Variants in TCF7L1 observed in about 807,000 individuals in gnomAD.
TCF7L1 encodes the protein transcription factor 7 like 1.
A neutral mutation model predicts 63.7 loss-of-function variants in TCF7L1; 18 were observed. The ratio of observed to expected loss-of-function variants is 0.28; its 90% CI spans 0.20 to 0.42. The LOEUF (loss-of-function observed/expected upper bound fraction) is 0.42. Among genes scored for constraint, TCF7L1 ranks in the 10% least tolerant of loss-of-function variants. TCF7L1 has a pLI of 1.00. For synonymous variants in TCF7L1, 355 were observed against 340.9 expected, an observed-to-expected ratio of 1.04 and a Z score of -0.46; for missense variants, 654 against 779.3, an observed-to-expected ratio of 0.84 and a Z score of 1.91.
chr2:85,150,236 CT>C (rs777018512), intron 3 of TCF7L1, among the ~76,000 whole-genome samples: 198 of 142,118 alleles, frequency 1.4e-3, no homozygotes, highest in Middle Eastern at 3.6e-3. Flanking sequence ...GTTCTTGACT[CT>C]TTTTTTTTTT....
intron 3 of TCF7L1, among the ~76,000 whole-genome samples, chr2:85,181,761 G>T (rs1678808834): frequency 6.6e-6 from 1 of 152,164 alleles, no homozygotes; most frequent in Admixed American, 6.5e-5. Flanking sequence ...TATCCTCAGG[G>T]AGGGTTCCCA....
intron 3 of TCF7L1, among the ~76,000 whole-genome samples, chr2:85,234,491 T>C (rs1170270004): frequency 2.0e-5 from 3 of 152,168 alleles, no homozygotes; most frequent in African/African-American, 7.2e-5. Context: ...CCTGGTAAGT[T>C]ACAGATGGTA....
At chr2:85,153,340 A>ATATTTTTTTTTTTTTT (rs750002994) in intron 3 of TCF7L1, among the ~76,000 whole-genome samples, 5 of 102,272 alleles carry the variant, frequency 4.9e-5, no homozygotes, top group African/African-American at 2.1e-4. Flanking sequence ...GCCTTTATAA[A>ATATTTTTTTTTTTTTT]TTTTTTTTTT....
chr2:85,240,087 C>T (rs922033531), intron 3 of TCF7L1, among the ~76,000 whole-genome samples: 6 of 152,030 alleles, frequency 3.9e-5, no homozygotes, highest in Admixed American at 2.0e-4. Context: ...ATTACTGAGA[C>T]GTTGGATGTT....
intron 3 of TCF7L1, among the ~76,000 whole-genome samples, chr2:85,153,395 A>G (rs1054176171): frequency 1.7e-4 from 22 of 125,906 alleles, no homozygotes; most frequent in Admixed American, 1.0e-4. Flanking sequence ...AGGCTGGAGT[A>G]CAGTGGCACG....
chr2:85,205,307 C>G (rs1478098896), intron 3 of TCF7L1, among the ~76,000 whole-genome samples: 1 of 152,204 alleles, frequency 6.6e-6, no homozygotes, highest in African/African-American at 2.4e-5. Flanking sequence ...CATTTTCTCT[C>G]TCAGTGCTGA....
intron 4 of TCF7L1, among the ~76,000 whole-genome samples, chr2:85,294,553 A>G (rs1681802177): frequency 6.6e-6 from 1 of 152,214 alleles, no homozygotes; most frequent in South Asian, 2.1e-4. Context: ...ACCCAGTTTT[A>G]GCATTGCAAA....
At chr2:85,249,115 C>CA (rs1161084046) in intron 3 of TCF7L1, among the ~76,000 whole-genome samples, 1 of 152,208 alleles carries the variant, frequency 6.6e-6, no homozygotes, top group East Asian at 1.9e-4. Flanking sequence ...TGACTGTTTG[C>CA]ATTCTACAAA....
chr2:85,252,483 C>T (rs1303667089), intron 3 of TCF7L1, among the ~76,000 whole-genome samples: 4 of 152,176 alleles, frequency 2.6e-5, no homozygotes, highest in East Asian at 1.9e-4. Flanking sequence ...ACCCAAGCCT[C>T]GGTGTGACCC....
At chr2:85,231,191 C>G (rs1309962703) in intron 3 of TCF7L1, among the ~76,000 whole-genome samples, 1 of 152,166 alleles carries the variant, frequency 6.6e-6, no homozygotes, top group Admixed American at 6.5e-5. Flanking sequence ...TAGAGAGCCC[C>G]AGGCTGTAGG....
intron 3 of TCF7L1, among the ~76,000 whole-genome samples, chr2:85,178,873 C>G (rs1678737253): frequency 6.6e-6 from 1 of 152,114 alleles, no homozygotes; most frequent in African/African-American, 2.4e-5. Flanking sequence ...TCAGCCAACC[C>G]CACTGTGATT....
At chr2:85,204,453 TACTTGAACAC>T (rs1384708910) in intron 3 of TCF7L1, among the ~76,000 whole-genome samples, 1 of 152,146 alleles carries the variant, frequency 6.6e-6, no homozygotes, top group Non-Finnish European at 1.5e-5. Context: ...AAAAAGAACA[TACTTGAACAC>T]ACCTTTGTGT....
chr2:85,277,629 A>G (rs1681306152), intron 3 of TCF7L1, among the ~76,000 whole-genome samples: 1 of 152,196 alleles, frequency 6.6e-6, no homozygotes. Context: ...GGGCGAGACC[A>G]TGGGGCTGGA....
intron 3 of TCF7L1, among the ~76,000 whole-genome samples, chr2:85,257,581 G>T (rs1286119816): frequency 6.6e-6 from 1 of 152,224 alleles, no homozygotes; most frequent in African/African-American, 2.4e-5. Flanking sequence ...CCCCCTTGGA[G>T]TGAGGTCACC....
intron 11 of TCF7L1, among the ~76,000 whole-genome samples, chr2:85,308,472 TC>T (rs1682190295): frequency 2.8e-5 from 1 of 36,108 alleles, no homozygotes; most frequent in African/African-American, 1.0e-4. Flanking sequence ...TTTCCCTCCC[TC>T]TCCCCCTCCT....
chr2:85,290,975 C>G (rs1421799529), intron 4 of TCF7L1, among the ~76,000 whole-genome samples: 10 of 152,260 alleles, frequency 6.6e-5, no homozygotes, highest in African/African-American at 2.4e-4. Context: ...TCATTCTTCC[C>G]TCTTCTTGAA....
At chr2:85,202,759 G>A (rs960825667) in intron 3 of TCF7L1, among the ~76,000 whole-genome samples, 5 of 152,210 alleles carry the variant, frequency 3.3e-5, no homozygotes, top group Admixed American at 6.5e-5. Flanking sequence ...GGTGAGGCAC[G>A]TAAGGTACTG....
intron 3 of TCF7L1, among the ~76,000 whole-genome samples, chr2:85,188,490 G>C (rs1317910286): frequency 1.3e-5 from 2 of 152,120 alleles, no homozygotes; most frequent in Non-Finnish European, 2.9e-5. Flanking sequence ...ATTACATTCT[G>C]TTTATGTCAC....
intron 3 of TCF7L1, among the ~76,000 whole-genome samples, chr2:85,162,632 G>A (rs1324358668): frequency 7.2e-5 from 11 of 152,158 alleles, no homozygotes; most frequent in Non-Finnish European, 1.5e-4. Flanking sequence ...TCTCCTTTAA[G>A]ACCATCTCTG....
Sources: allele counts gnomAD v4.1 joint callset (sites outside exome capture counted in the v4.1 genomes callset), GRCh38; gene constraint gnomAD v4.1.1; transcripts MANE v1.5; gene names NCBI Gene and HGNC (gene_info 2026-07-23, HGNC 2026-07-21).